Variants in ZNF470 observed in about 807,000 individuals in gnomAD.
ZNF470 encodes the protein chondrogenesis zinc finger protein 1.
In ZNF470, 13 loss-of-function variants were observed where a neutral mutation model predicts 13.9. The observed-to-expected ratio is 0.94, with a 90% confidence interval of 0.61 to 1.49. ZNF470 has a LOEUF of 1.49. ZNF470 is among the 40% of genes most tolerant of loss of function. The pLI, the probability that ZNF470 is intolerant of heterozygous loss-of-function variation, is 0.00. For missense variants in ZNF470, 929 were observed against 857.3 expected, an observed-to-expected ratio of 1.08 and a Z score of -1.04; for synonymous variants, 293 against 282.9, an observed-to-expected ratio of 1.04 and a Z score of -0.36.
In ZNF470 at chr19:56,578,469, A is replaced by G; in HGVS notation, c.2040A>G (p.Lys680=). The change falls in exon 6 of 6, where the codon AAA becomes AAG. Residue 680 remains lysine (K), a synonymous_variant. Coordinates refer to ENST00000330619, the MANE Select transcript of ZNF470 (RefSeq NM_001001668.4). ...CTGGAGAAAGGCCCTATGAGTGTAA[A>G]GAATGTGGAAAAGCCTTCAGGCAGA... is the stretch of plus-strand genomic sequence containing the variant. ...IHTGERPYEC[K]ECGKAFRQSV... 1 of 1,612,524 alleles carries G rather than the reference A, an allele frequency of 6.2e-7. No individual in the cohort carries two copies. The highest frequency in any genetic ancestry group is 8.5e-7 in the Non-Finnish European group (1 of 1,179,260).
At position 56,578,178 on chromosome 19, in the gene ZNF470, T is replaced by C. The variant is rs752000643; in HGVS notation, c.1749T>C (p.His583=). Reference sequence around the variant, plus strand: ...GTGATGGCTCATATCTTGTTCAACATCAGAGACTCCACAGTGGCAAAAGAC... The same window carrying C: ...GTGATGGCTCATATCTTGTTCAACACCAGAGACTCCACAGTGGCAAAAGAC... ...AFSDGSYLVQ[H]QRLHSGKRPY... Residue 583 remains histidine (H), a synonymous_variant, in exon 6 of 6, where the codon CAT becomes CAC. Coordinates refer to ENST00000330619, the MANE Select transcript of ZNF470 (RefSeq NM_001001668.4). The C allele has an allele frequency of 6.2e-7, 1 of 1,614,032 alleles. No individual in the cohort carries two copies. Among genetic ancestry groups the C allele is most frequent in the Admixed American group, 1.7e-5 (1 of 60,014 alleles).
At position 56,576,934 on chromosome 19, in the gene ZNF470, G is replaced by A; in HGVS notation, c.505G>A (p.Glu169Lys). Reference sequence around the variant, plus strand: ...CATCACTCATATAGATACTCTTATTGAAAAAAGAGATCACTCTAACAAATC... The same window carrying A: ...CATCACTCATATAGATACTCTTATTAAAAAAAGAGATCACTCTAACAAATC... The part of the protein sequence containing the change: ...ETITHIDTLI[E>K]KRDHSNKSGT... The change falls in exon 6 of 6, where the codon GAA becomes AAA. Residue 169 changes from glutamate to lysine, a missense_variant. By Grantham distance (56) the Glu-to-Lys change is moderately conservative. Coordinates refer to ENST00000330619, the MANE Select transcript of ZNF470 (RefSeq NM_001001668.4). The A allele has an allele frequency of 1.3e-6, 2 of 1,578,808 alleles. No individual in the cohort carries two copies. Among genetic ancestry groups the A allele is most frequent in the Non-Finnish European group, 1.7e-6 (2 of 1,168,294 alleles).
Position 56,582,486 on chromosome 19 carries a change from C to A in ZNF470, c.*3903C>A. The A allele has an allele frequency of 1.0e-6, 1 of 985,296 alleles. No individual in the cohort carries two copies. The highest frequency in any genetic ancestry group is 1.2e-6 in the Non-Finnish European group (1 of 829,862). 61.0% of individuals were successfully genotyped at this position (985,296 alleles called of 1,614,324 possible). Reference sequence around the variant, plus strand: ...AGTGGAATGCTGGTTAAATTTTATACTTTATTCACAAGAGTCACTGTGAAT... The same window carrying A: ...AGTGGAATGCTGGTTAAATTTTATAATTTATTCACAAGAGTCACTGTGAAT... On this transcript the variant is annotated 3_prime_UTR_variant, in exon 6 of 6. Transcript: ENST00000330619.
Position 56,574,678 on chromosome 19 carries a change from G to C in ZNF470, c.228G>C (p.Glu76Asp). ...AACCAGATGTGATCTCCTTACTGGAGCAAGAGAAAGACCCTTGGGTGATAA... is the reference window on the plus strand; with the variant it reads ...AACCAGATGTGATCTCCTTACTGGACCAAGAGAAAGACCCTTGGGTGATAA... Reference protein sequence around the residue: ...ISKPDVISLLEQEKDPWVIKG... With the variant: ...ISKPDVISLLDQEKDPWVIKG... Residue 76 changes from glutamate to aspartate, a missense_variant, in exon 5 of 6, where the codon GAG becomes GAC. Transcript: ENST00000330619. 1 of 1,613,832 alleles carries C rather than the reference G, an allele frequency of 6.2e-7. No homozygotes were observed. The highest frequency in any genetic ancestry group is 8.5e-7 in the Non-Finnish European group (1 of 1,179,806).
chr19:56,577,121 A>T lies in ZNF470; in HGVS notation c.692A>T (p.Asn231Ile), dbSNP rs1164396895. Residue 231 changes from asparagine to isoleucine, a missense_variant, in exon 6 of 6, where the codon AAT becomes ATT. By Grantham distance (149) the Asn-to-Ile change is moderately radical. Transcript: ENST00000330619. ...DRGEKKLLKC[N>I]DCEKIFSKIS... ...GGAGAAAAGAAACTTTTAAAATGTA[A>T]TGACTGTGAGAAAATATTCAGCAAA... 1 of 1,612,440 alleles carries T rather than the reference A, an allele frequency of 6.2e-7. No individual in the cohort carries two copies. Among genetic ancestry groups the T allele is most frequent in the African/African-American group, 1.3e-5 (1 of 74,790 alleles).
chr19:56,567,521 G>A lies in ZNF470; in HGVS notation c.-676G>A. On this transcript the variant is annotated 5_prime_UTR_variant, in exon 1 of 6. Coordinates refer to ENST00000330619, the MANE Select transcript of ZNF470 (RefSeq NM_001001668.4). ...AGTGCACGTCCCGCCGGTTGCTGAG[G>A]AGAAGGGAGGTCTGGGCGGGGCAGC... is the stretch of plus-strand genomic sequence containing the variant. 2 of 986,218 alleles carry A rather than the reference G, an allele frequency of 2.0e-6. No homozygotes were observed. Among genetic ancestry groups the A allele is most frequent in the Non-Finnish European group, 2.4e-6 (2 of 830,508 alleles). The allele number at this position is 986,218 out of a possible 1,614,324, so 61.1% of individuals were successfully genotyped here.
chr19:56,573,859 T>C (rs2044471220), intron 3 of ZNF470: 1 of 585,352 alleles, frequency 1.7e-6, no homozygotes, highest in Non-Finnish European at 2.2e-6. Context: ...AATATACTTT[T>C]ATTTCAGAAG....
In ZNF470 at chr19:56,581,976, G is replaced by A; in HGVS notation, c.*3393G>A. ...CCTCAAACTACCCATTGTCTTTCCG[G>A]TACTTGATTTTTGCCTCCTGTTGGT... On this transcript the variant is annotated 3_prime_UTR_variant, in exon 6 of 6. Coordinates refer to ENST00000330619, the MANE Select transcript of ZNF470 (RefSeq NM_001001668.4). The A allele has an allele frequency of 6.1e-6, 6 of 985,286 alleles. No individual in the cohort carries two copies. The highest frequency in any genetic ancestry group is 6.0e-6 in the Non-Finnish European group (5 of 829,920). 61.0% of individuals were successfully genotyped at this position (985,286 alleles called of 1,614,324 possible).
chr19:56,576,909 C>T lies in ZNF470; in HGVS notation c.480C>T (p.Thr160=). 7 of 1,574,512 alleles carry T rather than the reference C, an allele frequency of 4.4e-6. No homozygotes were observed. The highest frequency in any genetic ancestry group is 6.0e-6 in the Non-Finnish European group (7 of 1,166,808). ...AGAAGACACATTTTAGGCAAGAGAC[C>T]ATCACTCATATAGATACTCTTATTG... ...VNQKTHFRQE[T]ITHIDTLIEK... Residue 160 remains threonine, a synonymous_variant, in exon 6 of 6, where the codon ACC becomes ACT. Coordinates refer to ENST00000330619, the MANE Select transcript of ZNF470 (RefSeq NM_001001668.4).
Position 56,577,970 on chromosome 19 carries a change from G to T in ZNF470, c.1541G>T (p.Cys514Phe). Residue 514 changes from cysteine (C) to phenylalanine (F), a missense_variant, in exon 6 of 6, where the codon TGC becomes TTC. Transcript: ENST00000330619. ...GAGAAACCTTATGAATGTAAGGAAT[G>T]CAGCAAAACCTTCAGCCAGAATGCA... ...TGEKPYECKECSKTFSQNAHL... is the reference protein window; with the variant it reads ...TGEKPYECKEFSKTFSQNAHL... 1 of 1,613,474 alleles carries T rather than the reference G, an allele frequency of 6.2e-7. No individual in the cohort carries two copies.
In ZNF470 at chr19:56,567,533, C is replaced by G. The variant is rs990591224; in HGVS notation, c.-664C>G. The G allele has an allele frequency of 1.1e-5, 11 of 986,278 alleles. No individual in the cohort carries two copies. Among genetic ancestry groups the G allele is most frequent in the Non-Finnish European group, 1.3e-5 (11 of 830,478 alleles). The allele number at this position is 986,278 out of a possible 1,614,324, so 61.1% of individuals were successfully genotyped here. A position where few individuals can be genotyped will look rare whatever the true frequency, so the allele number is the denominator to read the frequency against. On this transcript the variant is annotated 5_prime_UTR_variant, in exon 1 of 6. Coordinates refer to ENST00000330619, the MANE Select transcript of ZNF470 (RefSeq NM_001001668.4). ...GCCGGTTGCTGAGGAGAAGGGAGGT[C>G]TGGGCGGGGCAGCGGCCGAGGCTGG...
chr19:56,578,011 C>T lies in ZNF470; in HGVS notation c.1582C>T (p.Gln528Ter), dbSNP rs1285645084. Reference sequence around the variant, plus strand: ...CCAGAATGCACACCTCGCGCAACATCAGAAAATACACACTGGGGAGAAACC... The same window carrying T: ...CCAGAATGCACACCTCGCGCAACATTAGAAAATACACACTGGGGAGAAACC... ...FSQNAHLAQH[Q>*]KIHTGEKPYE... The change falls in exon 6 of 6, where the codon CAG (glutamine) becomes TAG (stop). Residue 528 changes from glutamine (Q) to a stop codon, truncating the protein, a stop_gained. Transcript: ENST00000330619. LOFTEE classifies it low-confidence loss of function (END_TRUNC). 1 of 1,613,232 alleles carries T rather than the reference C, an allele frequency of 6.2e-7. No individual in the cohort carries two copies. The highest frequency in any genetic ancestry group is 8.5e-7 in the Non-Finnish European group (1 of 1,179,448).
At chr19:56,572,369 A>C (rs1302003767) in intron 3 of ZNF470, among the ~76,000 whole-genome samples, 1 of 22,618 alleles carries the variant, frequency 4.4e-5, no homozygotes, top group African/African-American at 3.9e-4. Flanking sequence ...AAAAAAAAAA[A>C]AAATATATAT....
chr19:56,573,892 T>C (rs777914149), intron 3 of ZNF470: 12 of 912,920 alleles, frequency 1.3e-5, no homozygotes, highest in Non-Finnish European at 1.6e-5. Flanking sequence ...CTAGGTGTTT[T>C]TTTCCTTTCA....
rs1272579992 is a variant in ZNF470 at position 56,578,681 on chromosome 19, C to T, written c.*98C>T. ...CGCAACCATCTCATCTGGATTTCTG[C>T]AGTAGCATAACTGTTGCCCCTTTTG... On this transcript the variant is annotated 3_prime_UTR_variant, in exon 6 of 6. Coordinates refer to ENST00000330619, the MANE Select transcript of ZNF470 (RefSeq NM_001001668.4). 8 of 1,337,044 alleles carry T rather than the reference C, an allele frequency of 6.0e-6. No individual in the cohort carries two copies. The highest frequency in any genetic ancestry group is 7.7e-6 in the Non-Finnish European group (8 of 1,040,414). 82.8% of individuals were successfully genotyped at this position (1,337,044 alleles called of 1,614,324 possible). A position where few individuals can be genotyped will look rare whatever the true frequency, so the allele number is the denominator to read the frequency against.
chr19:56,581,073 A>G lies in ZNF470; in HGVS notation c.*2490A>G. The G allele has an allele frequency of 1.0e-6, 1 of 984,656 alleles. No homozygotes were observed. Among genetic ancestry groups the G allele is most frequent in the Non-Finnish European group, 1.2e-6 (1 of 829,208 alleles). The allele number at this position is 984,656 out of a possible 1,614,324, so 61.0% of individuals were successfully genotyped here. On this transcript the variant is annotated 3_prime_UTR_variant, in exon 6 of 6. Transcript: ENST00000330619. Reference sequence around the variant, plus strand: ...ATTAGGCTTTTATATGGTGGAAAACATCATAGTCAATAGATAAATGAGAGA... The same window carrying G: ...ATTAGGCTTTTATATGGTGGAAAACGTCATAGTCAATAGATAAATGAGAGA...
chr19:56,572,946 T>G (rs1420963175), intron 3 of ZNF470, among the ~76,000 whole-genome samples: 3 of 152,152 alleles, frequency 2.0e-5, no homozygotes, highest in Non-Finnish European at 2.9e-5. Flanking sequence ...GTGAAGGAAG[T>G]GCAACAGAAA....
chr19:56,582,273 A>G lies in ZNF470; in HGVS notation c.*3690A>G, dbSNP rs553119789. ...GGAGAATGCTGAATCCAAAAGGTAT[A>G]TGTAATACTGGTATCTAACTGCTTG... is the stretch of plus-strand genomic sequence containing the variant. On this transcript the variant is annotated 3_prime_UTR_variant, in exon 6 of 6. Coordinates refer to ENST00000330619, the MANE Select transcript of ZNF470 (RefSeq NM_001001668.4). 1.8e-4 allele frequency: 175 copies of G among 985,366 alleles called. 1 individual carries two copies. In the African/African-American group the frequency reaches 2.8e-3, roughly 16 times the overall value. 61.0% of individuals were successfully genotyped at this position (985,366 alleles called of 1,614,324 possible).
chr19:56,570,451 A>G, intron 3 of ZNF470, 80 bp downstream of exon 3: 1 of 1,425,662 alleles, frequency 7.0e-7, no homozygotes, highest in Non-Finnish European at 9.8e-7. Flanking sequence ...TTCTGAAAAT[A>G]TTGTGCTTAA....
Sources: gnomAD v4.1 joint callset for allele counts (sites outside exome capture counted in the v4.1 genomes callset) on GRCh38, gnomAD v4.1.1 for gene constraint, MANE v1.5 for transcripts, NCBI Gene and HGNC (gene_info 2026-07-23, HGNC 2026-07-21) for gene names.